The following SNTG2 variants were observed in gnomAD, a reference collection of about 807,000 sequenced individuals.
The protein encoded by SNTG2 is syntrophin gamma 2.
Under a neutral mutation model 70.9 loss-of-function variants are expected in SNTG2, and 74 were observed. The observed-to-expected ratio is 1.04, with a 90% CI of 0.86 to 1.27. The LOEUF (loss-of-function observed/expected upper bound fraction) is 1.27. SNTG2 is among the 50% of genes most tolerant of loss of function. The probability of loss-of-function intolerance (pLI) is 0.00; values close to 1 mark genes in which losing one functional copy is unlikely to be tolerated. For synonymous variants in SNTG2, 278 were observed against 273.8 expected (o/e 1.02, Z -0.15); for missense variants, 717 against 690.7 (o/e 1.04, Z -0.43).
intron 9 of SNTG2, among the ~76,000 whole-genome samples, chr2:1,223,683 G>T (rs954671348): frequency 1.3e-5 from 2 of 152,252 alleles, no homozygotes; most frequent in Admixed American, 6.5e-5. Context: ...CCCCAAAGAG[G>T]GAGGAGCCAG....
intron 2 of SNTG2, among the ~76,000 whole-genome samples, chr2:1,086,697 G>T (rs1664705217): frequency 6.6e-6 from 1 of 152,052 alleles, no homozygotes; most frequent in African/African-American, 2.4e-5. Context: ...ATGCAGAAAC[G>T]GACTCACTGA....
intron 6 of SNTG2, among the ~76,000 whole-genome samples, chr2:1,158,814 G>A (rs996006995): frequency 9.2e-5 from 14 of 152,220 alleles, no homozygotes; most frequent in Non-Finnish European, 1.9e-4. Flanking sequence ...TCTCCATAGG[G>A]CTGCAGTGTC....
chr2:996,503 T>A (rs1304087753), intron 1 of SNTG2, among the ~76,000 whole-genome samples: 3 of 152,044 alleles, frequency 2.0e-5, no homozygotes, highest in African/African-American at 7.2e-5. Context: ...AGTGGGAAAG[T>A]AAAATGTAGA....
At chr2:987,105 G>C (rs2147973849) in intron 1 of SNTG2, among the ~76,000 whole-genome samples, 1 of 152,354 alleles carries the variant, frequency 6.6e-6, no homozygotes, top group African/African-American at 2.4e-5. Flanking sequence ...GTTGCCATCT[G>C]CCTGGGCAGG....
chr2:1,083,710 C>T (rs575476906), intron 2 of SNTG2, 55 bp downstream of exon 2: 67 of 1,598,500 alleles, frequency 4.2e-5, no homozygotes, highest in African/African-American at 1.5e-4. Flanking sequence ...GCCCCATGAA[C>T]GGTCTTTGAA....
chr2:1,131,489 G>A (rs138631248), intron 4 of SNTG2, among the ~76,000 whole-genome samples: 55 of 152,220 alleles, frequency 3.6e-4, no homozygotes, highest in African/African-American at 8.9e-4. Context: ...TCTACAGATC[G>A]TTAAAGTGAG....
At chr2:1,271,483 A>G (rs1242802358) in intron 14 of SNTG2, among the ~76,000 whole-genome samples, 1 of 152,160 alleles carries the variant, frequency 6.6e-6, no homozygotes, top group African/African-American at 2.4e-5. Context: ...ATAGCAACAC[A>G]AAAACACAAA....
intron 9 of SNTG2, among the ~76,000 whole-genome samples, chr2:1,237,510 A>G (rs1389184054): frequency 6.6e-6 from 1 of 152,128 alleles, no homozygotes; most frequent in East Asian, 1.9e-4. Context: ...GTGGATGCTG[A>G]GTGCAGAGGG....
intron 9 of SNTG2, among the ~76,000 whole-genome samples, chr2:1,233,869 C>T (rs1462084416): frequency 6.6e-6 from 1 of 151,780 alleles, no homozygotes; most frequent in African/African-American, 2.4e-5. Context: ...CCATGGATGG[C>T]GAGTGTCTGG....
chr2:950,920 G>A lies in SNTG2; in HGVS notation c.-77G>A, dbSNP rs2147934588. The A allele has an allele frequency of 2.8e-6, 2 of 704,972 alleles. No homozygotes were observed. Among genetic ancestry groups the A allele is most frequent in the Middle Eastern group, 5.2e-4 (1 of 1,932 alleles). The allele number at this position is 704,972 out of a possible 1,614,324, so 43.7% of individuals were successfully genotyped here. ...CGGGCGCGGACGCGGCGCCTGGCGG[G>A]GCCCTGGGAGGCTCGGACGGGGTCC... On this transcript the variant is annotated 5_prime_UTR_variant, in exon 1 of 17. Transcript: ENST00000308624.
chr2:1,234,037 G>T (rs376794479), intron 9 of SNTG2, among the ~76,000 whole-genome samples: 1 of 152,132 alleles, frequency 6.6e-6, no homozygotes, highest in Admixed American at 6.5e-5. Flanking sequence ...TTTTAGCTCC[G>T]ATAATGACCT....
chr2:973,538 A>AT (rs1354448640), intron 1 of SNTG2, among the ~76,000 whole-genome samples: 15 of 128,364 alleles, frequency 1.2e-4, no homozygotes, highest in Non-Finnish European at 2.2e-4. Flanking sequence ...GTATATATAT[A>AT]TATTTTTTTT....
intron 4 of SNTG2, among the ~76,000 whole-genome samples, chr2:1,134,474 C>G (rs937866082): frequency 1.1e-4 from 15 of 134,438 alleles, no homozygotes; most frequent in African/African-American, 3.7e-4. Flanking sequence ...CTCCAAGTCT[C>G]CATCAGGTAG....
intron 14 of SNTG2, among the ~76,000 whole-genome samples, chr2:1,287,857 A>G (rs1316668434): frequency 2.0e-5 from 3 of 152,164 alleles, no homozygotes; most frequent in South Asian, 2.1e-4. Flanking sequence ...GGTTGCATTA[A>G]TGGAAGGAGA....
intron 7 of SNTG2, among the ~76,000 whole-genome samples, chr2:1,165,851 G>C (rs1670671919): frequency 1.3e-5 from 2 of 152,204 alleles, no homozygotes; most frequent in South Asian, 4.1e-4. Flanking sequence ...AGTGTTATCA[G>C]ACCGTGCTTC....
In SNTG2 at chr2:1,153,999, C is replaced by T. The variant is rs535672548; in HGVS notation, c.412-11549C>T. ...GGAACCAGCTATGAAATACAAAAGT[C>T]GAATAGAAATCTCTTGCAAAACAGA... is the stretch of plus-strand genomic sequence containing the variant. On this transcript the variant is annotated intron_variant, in intron 6 of 16. Coordinates refer to ENST00000308624, the MANE Select transcript of SNTG2 (RefSeq NM_018968.4). Among the ~76,000 whole-genome samples, 21 of 152,166 alleles carry T rather than the reference C, an allele frequency of 1.4e-4. No individual in the cohort carries two copies. In the East Asian group the frequency reaches 2.1e-3, roughly 15 times the overall value.
intron 8 of SNTG2, among the ~76,000 whole-genome samples, chr2:1,181,375 T>G (rs1458889740): frequency 6.6e-6 from 1 of 152,170 alleles, no homozygotes; most frequent in Non-Finnish European, 1.5e-5. Context: ...AGTTGGAAAC[T>G]TTCTAGACTC....
chr2:1,166,829 G>A (rs1362609568), intron 7 of SNTG2, among the ~76,000 whole-genome samples: 3 of 152,206 alleles, frequency 2.0e-5, no homozygotes, highest in Admixed American at 6.5e-5. Context: ...GAGCAGAGGA[G>A]CGGAAGAGTA....
At chr2:1,312,317 G>C (rs542591737) in intron 15 of SNTG2, among the ~76,000 whole-genome samples, 1 of 152,176 alleles carries the variant, frequency 6.6e-6, no homozygotes, top group Non-Finnish European at 1.5e-5. Context: ...CCGTCCAAGC[G>C]CAGTCCAGGC....
Sources: allele counts gnomAD v4.1 joint callset (sites outside exome capture counted in the v4.1 genomes callset), GRCh38; gene constraint gnomAD v4.1.1; transcripts MANE v1.5; gene names NCBI Gene and HGNC (gene_info 2026-07-23, HGNC 2026-07-21).